The following TENM1 variants were observed in gnomAD, a reference collection of about 807,000 sequenced individuals.
The protein encoded by TENM1 is teneurin transmembrane protein 1, also known as teneurin-1.
TENM1 carries 35 observed loss-of-function variants against 174.8 expected under a neutral mutation model. The ratio of observed to expected loss-of-function variants is 0.20; its 90% confidence interval spans 0.15 to 0.27. The LOEUF is 0.27. TENM1 is among the 10% of genes least tolerant of loss of function. The pLI is 1.00. For synonymous variants in TENM1, 781 were observed against 798.7 expected, an observed-to-expected ratio of 0.98 and a Z score of 0.37; for missense variants, 1,633 against 2,130.1, an observed-to-expected ratio of 0.77 and a Z score of 4.59.
the TENM1 span, among the ~76,000 whole-genome samples, chrX:125,073,997 C>G: frequency 8.9e-6 from 1 of 111,936 alleles, no homozygotes; most frequent in Non-Finnish European, 1.9e-5. Flanking sequence ...ATGATCTTAT[C>G]ACATCACTGA....
At chrX:124,956,333 T>C (rs1213571451) in intron 1 of TENM1, among the ~76,000 whole-genome samples, 1 of 112,488 alleles carries the variant, frequency 8.9e-6, no homozygotes, top group Non-Finnish European at 1.9e-5. Flanking sequence ...AAGAACTTTG[T>C]ACAGATAAGC....
the TENM1 span, among the ~76,000 whole-genome samples, chrX:125,020,637 A>G: frequency 9.0e-6 from 1 of 110,595 alleles, no homozygotes; most frequent in South Asian, 3.8e-4. Flanking sequence ...TGAAGAATTG[A>G]TTATTTCTCT....
chrX:124,907,052 T>C (rs1002973316), intron 1 of TENM1, among the ~76,000 whole-genome samples: 7 of 111,802 alleles, frequency 6.3e-5, no homozygotes, highest in African/African-American at 2.3e-4. Flanking sequence ...TCGTATACTC[T>C]ATATATAGTT....
At chrX:125,126,272 C>T in the TENM1 span, among the ~76,000 whole-genome samples, 5 of 111,534 alleles carry the variant, frequency 4.5e-5, no homozygotes, top group South Asian at 1.1e-3. Flanking sequence ...CTTGTTACAT[C>T]AATCACCACA....
chrX:124,645,522 A>G (rs1336581121), intron 9 of TENM1, among the ~76,000 whole-genome samples, 185 bp from the exon 13 acceptor site: 1 of 112,127 alleles, frequency 8.9e-6, no homozygotes, highest in Non-Finnish European at 1.9e-5. Context: ...AAATAAAGGT[A>G]AATTAAAAAT....
chrX:124,556,807 A>C (rs947013817), intron 14 of TENM1, among the ~76,000 whole-genome samples: 7 of 111,595 alleles, frequency 6.3e-5, no homozygotes, highest in African/African-American at 2.3e-4. Context: ...GTAGAAGTAA[A>C]GTTTATATTT....
At chrX:124,952,127 G>C (rs977592505) in intron 1 of TENM1, among the ~76,000 whole-genome samples, 2 of 111,429 alleles carry the variant, frequency 1.8e-5, no homozygotes, top group African/African-American at 6.5e-5. Context: ...CTGGGGCTTA[G>C]AGTATGTGGG....
intron 1 of TENM1, among the ~76,000 whole-genome samples, chrX:124,902,411 G>GAGTA (rs1289288668): frequency 1.8e-5 from 2 of 112,068 alleles, no homozygotes; most frequent in African/African-American, 3.2e-5. Flanking sequence ...AAAAGCAACT[G>GAGTA]AGTAAATTGT....
intron 18 of TENM1, among the ~76,000 whole-genome samples, chrX:124,512,584 T>C (rs1355071067): frequency 9.0e-6 from 1 of 111,663 alleles, no homozygotes; most frequent in Non-Finnish European, 1.9e-5. Context: ...TTACCACTGA[T>C]ACTTCTCCAA....
chrX:124,503,723 A>G lies in TENM1; in HGVS notation c.3302-20T>C, dbSNP rs2047382701. On this transcript the variant is annotated intron_variant, in intron 18 of 31. Transcript: ENST00000422452. Reference sequence around the variant, plus strand: ...CAGATACTGCAAACAAAGAGTTAACAGCACATTAGAAAACTGTAAAATATT... The same window carrying G: ...CAGATACTGCAAACAAAGAGTTAACGGCACATTAGAAAACTGTAAAATATT... 8.6e-7 allele frequency: 1 copy of G among 1,167,612 alleles called. No individual in the cohort carries two copies.
chrX:124,736,881 A>T (rs2053684382), intron 4 of TENM1, 76 bp downstream of exon 7: 10 of 1,113,925 alleles, frequency 9.0e-6, no homozygotes, highest in Non-Finnish European at 1.2e-5. Flanking sequence ...GTGTGTGATG[A>T]AATGAGTTTC....
chrX:124,860,492 C>CT (rs1310809674), intron 3 of TENM1, among the ~76,000 whole-genome samples: 1 of 111,903 alleles, frequency 8.9e-6, no homozygotes, highest in Admixed American at 9.5e-5. Context: ...AAATTACTCT[C>CT]TTCTCTCTCA....
intron 5 of TENM1, among the ~76,000 whole-genome samples, chrX:124,673,415 G>T (rs187632644): frequency 1.8e-5 from 2 of 111,584 alleles, no homozygotes; most frequent in African/African-American, 6.5e-5. Context: ...AGAATTTTTC[G>T]GATGATTAAT....
the TENM1 span, among the ~76,000 whole-genome samples, chrX:125,158,985 C>T: frequency 9.0e-6 from 1 of 110,670 alleles, no homozygotes; most frequent in Non-Finnish European, 1.9e-5. Context: ...GAGTCAGCTT[C>T]CAGAGATCCA....
chrX:125,027,519 A>C, the TENM1 span, among the ~76,000 whole-genome samples: 2 of 112,330 alleles, frequency 1.8e-5, no homozygotes, highest in Admixed American at 1.9e-4. Context: ...TGCCAAAGGC[A>C]TAAGAAACAA....
At chrX:124,377,620 AAAC>A (rs1272307287) in exon 32 of TENM1, 1 of 111,600 alleles carries the variant, frequency 9.0e-6, no homozygotes, top group East Asian at 2.8e-4. Context: ...AGAAAAGCAC[AAAC>A]AAAATGGGCT....
chrX:124,786,445 C>G (rs908988080), intron 3 of TENM1, among the ~76,000 whole-genome samples: 1 of 111,976 alleles, frequency 8.9e-6, no homozygotes, highest in African/African-American at 3.2e-5. Flanking sequence ...CTAACACCTA[C>G]TCACACGAAT....
At chrX:125,023,540 T>C in the TENM1 span, among the ~76,000 whole-genome samples, 13 of 110,570 alleles carry the variant, frequency 1.2e-4, no homozygotes, top group Non-Finnish European at 2.1e-4. Flanking sequence ...AAGAGTAACA[T>C]TGGATGATGA....
intron 22 of TENM1, among the ~76,000 whole-genome samples, chrX:124,463,836 GGTGTGTGTGTGT>G (rs61128914): frequency 1.1e-4 from 10 of 90,941 alleles, no homozygotes; most frequent in East Asian, 6.8e-4. Context: ...TAGAGGTTGG[GGTGTGTGTGTGT>G]GTGTGTGTGT....
Sources: allele counts gnomAD v4.1 joint callset (sites outside exome capture counted in the v4.1 genomes callset), GRCh38; gene constraint gnomAD v4.1.1; transcripts MANE v1.5; gene names NCBI Gene and HGNC (gene_info 2026-07-23, HGNC 2026-07-21).